VPS26B: variants seen among roughly 807,000 people sequenced by gnomAD.
VPS26B encodes VPS26 retromer complex component B, also known as vacuolar protein sorting-associated protein 26B.
A neutral mutation model predicts 33.3 loss-of-function variants in VPS26B; 10 were observed. The ratio of observed to expected loss-of-function variants is 0.30; its 90% CI spans 0.19 to 0.51. The LOEUF (loss-of-function observed/expected upper bound fraction) is 0.51, where lower values mean the gene tolerates loss of function less well. VPS26B is among the 20% of genes least tolerant of loss of function. The probability of loss-of-function intolerance (pLI) is 0.98; values close to 1 mark genes in which losing one functional copy is unlikely to be tolerated. For missense variants in VPS26B, 317 were observed against 452.7 expected, an observed-to-expected ratio of 0.70 and a Z score of 2.72; for synonymous variants, 190 against 176.9, an observed-to-expected ratio of 1.07 and a Z score of -0.59.
chr11:134,229,509 T>C (rs971539241), intron 1 of VPS26B, among the ~76,000 whole-genome samples: 1 of 152,122 alleles, frequency 6.6e-6, no homozygotes, highest in Non-Finnish European at 1.5e-5. Flanking sequence ...CCCCACTGCG[T>C]CTCCTTTTTT....
At chr11:134,241,901 T>G (rs1183066720) in intron 3 of VPS26B, among the ~76,000 whole-genome samples, 1 of 152,256 alleles carries the variant, frequency 6.6e-6, no homozygotes, top group Non-Finnish European at 1.5e-5. Flanking sequence ...AACGAGGAGC[T>G]TGGACCAGAT....
chr11:134,231,497 C>G (rs974437301), intron 1 of VPS26B, among the ~76,000 whole-genome samples: 1 of 151,542 alleles, frequency 6.6e-6, no homozygotes, highest in Non-Finnish European at 1.5e-5. Flanking sequence ...GTGGTAAGCA[C>G]GAATCCTGAC....
intron 1 of VPS26B, among the ~76,000 whole-genome samples, chr11:134,231,032 CTG>C (rs754518523): frequency 7.9e-5 from 12 of 152,208 alleles, no homozygotes; most frequent in Non-Finnish European, 1.6e-4. Context: ...CAAGGAAAAA[CTG>C]TAACTGTGAG....
chr11:134,237,918 G>A (rs1938656845), intron 2 of VPS26B, among the ~76,000 whole-genome samples: 1 of 152,152 alleles, frequency 6.6e-6, no homozygotes, highest in Non-Finnish European at 1.5e-5. Context: ...AGTATGGTAG[G>A]TCAAGAGGGT....
rs1300048150 is a variant in VPS26B, at chr11:134,243,245, G to A, written c.672G>A (p.Glu224=). 1.2e-6 allele frequency: 2 copies of A among 1,614,180 alleles called. No homozygotes were observed. The change falls in exon 4 of 6, where the codon GAG becomes GAA. Residue 224 remains glutamate, a synonymous_variant. Transcript: ENST00000281187. ...TTGTGPNVYH[E]NDTIAKYEIM... is the part of the protein sequence containing the mutation. Reference sequence around the variant, plus strand: ...GTACAGGCCCCAACGTGTACCATGAGAATGACACGATAGCCAAGTACGAGA... The same window carrying A: ...GTACAGGCCCCAACGTGTACCATGAAAATGACACGATAGCCAAGTACGAGA...
intron 2 of VPS26B, among the ~76,000 whole-genome samples, chr11:134,237,753 G>T (rs1938654476): frequency 6.6e-6 from 1 of 152,194 alleles, no homozygotes; most frequent in Admixed American, 6.5e-5. Flanking sequence ...GGATTTGGCA[G>T]CTGGGAGGCC....
Position 134,237,139 on chromosome 11 carries a change from G to T in VPS26B, c.380+2086G>T, listed in dbSNP as rs115616888. ...TATTACACAGGCAGAGGGAAAACAT[G>T]AAAAGATTATTGTGGACTTTTCTTT... On this transcript the variant is annotated intron_variant, in intron 2 of 5. Transcript: ENST00000281187. Among the ~76,000 whole-genome samples, 1,056 of 152,300 alleles carry T rather than the reference G, an allele frequency of 6.9e-3. 14 individuals carry two copies. The highest frequency in any genetic ancestry group is 0.024 in the African/African-American group (1,005 of 41,568).
intron 1 of VPS26B, among the ~76,000 whole-genome samples, chr11:134,231,375 T>C (rs905327078): frequency 6.6e-6 from 1 of 152,192 alleles, no homozygotes; most frequent in Non-Finnish European, 1.5e-5. Flanking sequence ...GATTCTGGCC[T>C]ACTTAACAAG....
intron 1 of VPS26B, among the ~76,000 whole-genome samples, chr11:134,231,901 T>C (rs1156474416): frequency 6.6e-6 from 1 of 152,140 alleles, no homozygotes; most frequent in Non-Finnish European, 1.5e-5. Context: ...TTAGGTTTCT[T>C]CCAAAACTGC....
intron 1 of VPS26B, 108 bp from the exon 2 acceptor site, chr11:134,234,789 G>C: frequency 7.2e-7 from 1 of 1,385,240 alleles, no homozygotes; most frequent in Admixed American, 2.2e-5. Flanking sequence ...CTGCAGGGAG[G>C]TCCTTCCAGA....
At chr11:134,239,634 A>G (rs958278444) in intron 2 of VPS26B, 5 of 268,912 alleles carry the variant, frequency 1.9e-5, no homozygotes, top group African/African-American at 8.7e-5. Flanking sequence ...ACACAAATAC[A>G]TGGTCAGTAG....
At chr11:134,239,733 C>T (rs922662377) in intron 2 of VPS26B, 10 of 482,324 alleles carry the variant, frequency 2.1e-5, no homozygotes, top group African/African-American at 7.8e-5. Context: ...ATTCTTGACC[C>T]GGGGGCATGG....
At position 134,245,771 on chromosome 11, in the gene VPS26B, A is replaced by G; in HGVS notation, c.*181A>G. 1.2e-6 allele frequency: 1 copy of G among 820,352 alleles called. No homozygotes were observed. The highest frequency in any genetic ancestry group is 1.8e-6 in the Non-Finnish European group (1 of 540,882). The allele number at this position is 820,352 out of a possible 1,614,324, so 50.8% of individuals were successfully genotyped here. ...AGAACCCAAGGGGCTTGGGGTGGGAAGCAGTCTCTCCTTGGGATTCTGCGG... is the reference window on the plus strand; with the variant it reads ...AGAACCCAAGGGGCTTGGGGTGGGAGGCAGTCTCTCCTTGGGATTCTGCGG... On this transcript the variant is annotated 3_prime_UTR_variant, in exon 6 of 6. Transcript: ENST00000281187. The surrounding 1 kb of genome is among the most constrained non-coding windows in gnomAD (Gnocchi z 4.7).
At chr11:134,234,826 C>T in intron 1 of VPS26B, 71 bp from the exon 2 acceptor site, 1 of 1,562,672 alleles carries the variant, frequency 6.4e-7, no homozygotes. Flanking sequence ...CTACAGCCTC[C>T]AGCCCCCTAC....
intron 1 of VPS26B, among the ~76,000 whole-genome samples, chr11:134,232,761 C>T (rs1938574519): frequency 6.6e-6 from 1 of 152,180 alleles, no homozygotes; most frequent in South Asian, 2.1e-4. Flanking sequence ...ACACTGGGGC[C>T]TTGCTCTGCC....
rs1043201395 is a variant in VPS26B, at chr11:134,240,031, G to A, written c.421G>A (p.Val141Ile). ...TACCATCAGCCGCCGCCTCAATGAT[G>A]TTGTCAAAGAGATGGACATTGTAGT... The part of the protein sequence containing the change: ...RATISRRLND[V>I]VKEMDIVVHT... The change falls in exon 3 of 6, where the codon GTT (valine) becomes ATT (isoleucine). Residue 141 changes from valine (V) to isoleucine (I), a missense_variant. Val to Ile is a conservative substitution (Grantham distance 29). Transcript: ENST00000281187. This position sits in a 1 kb window ranked among gnomAD's most constrained non-coding sequence, Gnocchi z 4.4. 1 of 1,614,196 alleles carries A rather than the reference G, an allele frequency of 6.2e-7. No homozygotes were observed. The highest frequency in any genetic ancestry group is 1.3e-5 in the African/African-American group (1 of 75,038).
Position 134,243,463 on chromosome 11 carries a change from G to A in VPS26B, c.721+169G>A, listed in dbSNP as rs75614673. On this transcript the variant is annotated intron_variant, in intron 4 of 5. Coordinates refer to ENST00000281187, the MANE Select transcript of VPS26B (RefSeq NM_052875.5). Reference sequence around the variant, plus strand: ...GGTGGCCATAAGGAAGAAAAGGAAGGCTGAGTGTGTAGAACTTGAGGCTAC... The same window carrying A: ...GGTGGCCATAAGGAAGAAAAGGAAGACTGAGTGTGTAGAACTTGAGGCTAC... 1.0e-3 allele frequency: 797 copies of A among 785,978 alleles called. 3 individuals are homozygous for A. The African/African-American group carries it at 0.012, about 12-fold the overall frequency. 48.7% of individuals were successfully genotyped at this position (785,978 alleles called of 1,614,324 possible).
At position 134,247,210 on chromosome 11, in the gene VPS26B, C is replaced by G. The variant is rs1345180575; in HGVS notation, c.*1620C>G. 1 of 152,170 alleles carries G rather than the reference C, an allele frequency of 6.6e-6. No individual in the cohort carries two copies. The highest frequency in any genetic ancestry group is 1.5e-5 in the Non-Finnish European group (1 of 68,052). The allele number at this position is 152,170 out of a possible 1,614,324, so 9.4% of individuals were successfully genotyped here. ...CTGTGTCCTGTGTTCAGGTGCGACA[C>G]ACAATCCTCATGGGAACAGGATCAC... On this transcript the variant is annotated 3_prime_UTR_variant, in exon 6 of 6. Coordinates refer to ENST00000281187, the MANE Select transcript of VPS26B (RefSeq NM_052875.5).
Position 134,243,307 on chromosome 11 carries a change from G to A in VPS26B, c.721+13G>A. 2 of 1,613,440 alleles carry A rather than the reference G, an allele frequency of 1.2e-6. No homozygotes were observed. Among genetic ancestry groups the A allele is most frequent in the African/African-American group, 1.3e-5 (1 of 75,028 alleles). On this transcript the variant is annotated intron_variant, in intron 4 of 5. Transcript: ENST00000281187. Reference sequence around the variant, plus strand: ...GCACCAGTGCGAGGTGAGACTCCAGGCCCAGGCCTCGGCTACCACAGCTTT... The same window carrying A: ...GCACCAGTGCGAGGTGAGACTCCAGACCCAGGCCTCGGCTACCACAGCTTT...
Sources: gnomAD v4.1 joint callset for allele counts (sites outside exome capture counted in the v4.1 genomes callset) on GRCh38, gnomAD v4.1.1 for gene constraint, Gnocchi (gnomAD v3.1) non-coding constraint, MANE v1.5 for transcripts, NCBI Gene and HGNC (gene_info 2026-07-23, HGNC 2026-07-21) for gene names.